The following LOX variants were observed in gnomAD, a reference collection of about 807,000 sequenced individuals.
The protein encoded by LOX is lysyl oxidase, also known as protein-lysine 6-oxidase.
A neutral mutation model predicts 50.5 loss-of-function variants in LOX; 12 were observed. That is an observed-to-expected ratio of 0.24 (90% CI 0.15 to 0.38). LOX has a LOEUF of 0.38. LOX is among the 10% of genes least tolerant of loss of function. The pLI is 1.00. For synonymous variants in LOX, 254 were observed against 230.6 expected (o/e 1.10, Z -0.92); for missense variants, 504 against 563.8 (o/e 0.89, Z 1.07).
chr5:122,077,340 C>A lies in LOX; in HGVS notation c.631+15G>T. 1.2e-6 allele frequency: 2 copies of A among 1,613,590 alleles called. No individual in the cohort carries two copies. Among genetic ancestry groups the A allele is most frequent in the Non-Finnish European group, 8.5e-7 (1 of 1,179,950 alleles). ...CAGGTGCACGGGTGCTTCCAGCGGA[C>A]TTGGGGGTACTTACCGTACTGGAAG... On this transcript the variant is annotated intron_variant, in intron 1 of 6. Transcript: ENST00000231004. The surrounding 1 kb of genome is among the most constrained non-coding windows in gnomAD (Gnocchi z 4.9).
chr5:122,077,506 G>A lies in LOX; in HGVS notation c.480C>T (p.Pro160=). The change falls in exon 1 of 7, where the codon CCC becomes CCT. Residue 160 remains proline (P), a synonymous_variant. Transcript: ENST00000231004. The surrounding 1 kb of genome is among the most constrained non-coding windows in gnomAD (Gnocchi z 4.9). ...EVPALSNLRP[P]SRVDGMVGDD... ...CGCCCACCATGCCGTCCACGCGGCT[G>A]GGCGGCCGCAGGTTACTGAGCGCAG... 2 of 1,613,790 alleles carry A rather than the reference G, an allele frequency of 1.2e-6. No individual in the cohort carries two copies. Among genetic ancestry groups the A allele is most frequent in the Non-Finnish European group, 1.7e-6 (2 of 1,179,990 alleles).
intron 6 of LOX, among the ~76,000 whole-genome samples, chr5:122,068,799 C>A (rs1442925865): frequency 1.3e-5 from 2 of 151,670 alleles, no homozygotes; most frequent in African/African-American, 2.4e-5. Flanking sequence ...ACAAACAGTA[C>A]AAAAATGAGA....
Position 122,077,809 on chromosome 5 carries a change from G to T in LOX, c.177C>A (p.Ser59Arg). The T allele has an allele frequency of 6.5e-7, 1 of 1,549,984 alleles. No homozygotes were observed. Residue 59 changes from serine to arginine, a missense_variant, in exon 1 of 7, where the codon AGC (serine) becomes AGA (arginine). Physicochemically the swap from Ser to Arg is moderately radical, Grantham distance 110 (BLOSUM62 -1). This residue lies in a region of LOX where 398 missense variants were observed against 365.8 expected (regional missense o/e 1.09). Coordinates refer to ENST00000231004, the MANE Select transcript of LOX (RefSeq NM_002317.7). The surrounding 1 kb of genome is among the most constrained non-coding windows in gnomAD (Gnocchi z 4.9). ...GCTGAGGCTGGTACTGTGAGCCCAG[G>T]CTCAGCAAGCTGAACACCTGCCCGT... ...ENNGQVFSLL[S>R]LGSQYQPQRR... is the part of the protein sequence containing the mutation.
chr5:122,070,562 A>G lies in LOX; in HGVS notation c.1063T>C (p.Tyr355His). Residue 355 changes from tyrosine (Y) to histidine (H), a missense_variant, in exon 5 of 7, where the codon TAT becomes CAT. By Grantham distance (83) the Tyr-to-His change is moderately conservative (BLOSUM62 2). This residue lies in a region of LOX where 106 missense variants were observed against 198.1 expected (regional missense o/e 0.54). Coordinates refer to ENST00000231004, the MANE Select transcript of LOX (RefSeq NM_002317.7). ...QGLSPGCYDT[Y>H]GADIDCQWID... ...CACTGGCAGTCTATGTCTGCACCAT[A>G]GGTATCATAACAGCCAGGACTCAAT... 1 of 1,606,774 alleles carries G rather than the reference A, an allele frequency of 6.2e-7. No individual in the cohort carries two copies. Among genetic ancestry groups the G allele is most frequent in the Non-Finnish European group, 8.5e-7 (1 of 1,174,698 alleles).
At chr5:122,070,640 T>G (rs775371561) in intron 4 of LOX, 51 bp from the exon 5 acceptor site, 3 of 921,886 alleles carry the variant, frequency 3.3e-6, no homozygotes, top group Middle Eastern at 2.8e-4. Flanking sequence ...GGTCAGACTA[T>G]GATAAATAAT....
At chr5:122,074,249 G>T in intron 3 of LOX, 80 bp from the exon 4 acceptor site, 2 of 1,221,250 alleles carry the variant, frequency 1.6e-6, no homozygotes, top group Non-Finnish European at 2.3e-6. Context: ...CTTCCCCCAT[G>T]GCTTCACAAA....
chr5:122,070,509 T>C lies in LOX; in HGVS notation c.1116A>G (p.Gly372=). Reference sequence around the variant, plus strand: ...AGGTCTTTACCTTTAGGATATAGTTTCCAGGTTTTACATCTGTAATATCAA... The same window carrying C: ...AGGTCTTTACCTTTAGGATATAGTTCCCAGGTTTTACATCTGTAATATCAA... ...QWIDITDVKP[G]NYILKVSVNP... Residue 372 remains glycine (G), a synonymous_variant, in exon 5 of 7, where the codon GGA becomes GGG. Coordinates refer to ENST00000231004, the MANE Select transcript of LOX (RefSeq NM_002317.7). 2 of 1,598,790 alleles carry C rather than the reference T, an allele frequency of 1.3e-6. No homozygotes were observed. Among genetic ancestry groups the C allele is most frequent in the Non-Finnish European group, 1.7e-6 (2 of 1,167,380 alleles).
At chr5:122,075,279 T>A in intron 3 of LOX, 125 bp downstream of exon 3, 3 of 857,620 alleles carry the variant, frequency 3.5e-6, no homozygotes, top group Non-Finnish European at 5.3e-6. Flanking sequence ...TAGAGAAAAA[T>A]TCTAAATATA....
Position 122,075,406 on chromosome 5 carries a change from A to C in LOX, c.876T>G (p.His292Gln). 1.2e-6 allele frequency: 2 copies of C among 1,608,766 alleles called. No individual in the cohort carries two copies. Among genetic ancestry groups the C allele is most frequent in the Non-Finnish European group, 1.7e-6 (2 of 1,178,320 alleles). ...PRYSWEWHSC[H>Q]QHYHSMDEFS... ...ACCCAGGAGGCCCATTTACTTACTG[A>C]TGACAACTGTGCCATTCCCAGGAAT... The change falls in exon 3 of 7, where the codon CAT becomes CAG. Residue 292 changes from histidine (H) to glutamine (Q), a missense_variant and splice_region_variant. His to Gln is a conservative substitution (Grantham distance 24). Coordinates refer to ENST00000231004, the MANE Select transcript of LOX (RefSeq NM_002317.7).
intron 5 of LOX, 146 bp downstream of exon 5, chr5:122,070,348 A>G (rs190696467): frequency 1.5e-5 from 10 of 650,470 alleles, no homozygotes; most frequent in Non-Finnish European, 2.2e-5. Flanking sequence ...TTAAAATAAG[A>G]CAGATTAGAT....
At chr5:122,074,834 C>G (rs10059661) in intron 3 of LOX, among the ~76,000 whole-genome samples, 22,671 of 152,068 alleles carry the variant, frequency 0.15, 1,856 homozygotes, top group Non-Finnish European at 0.18. Context: ...AAGTTTAAGG[C>G]CACACATGAG....
Position 122,063,341 on chromosome 5 carries a change from G to T in LOX, c.*3402C>A, listed in dbSNP as rs1019748488. ...TAAGAGTTCTTCAAAAAAGTTACACGTCTTACAAATAACATTCCTGAAAAA... is the reference window on the plus strand; with the variant it reads ...TAAGAGTTCTTCAAAAAAGTTACACTTCTTACAAATAACATTCCTGAAAAA... On this transcript the variant is annotated 3_prime_UTR_variant, in exon 7 of 7. Transcript: ENST00000231004. 1 of 151,830 alleles carries T rather than the reference G, an allele frequency of 6.6e-6. No homozygotes were observed. Among genetic ancestry groups the T allele is most frequent in the African/African-American group, 2.4e-5 (1 of 41,372 alleles). 9.4% of individuals were successfully genotyped at this position (151,830 alleles called of 1,614,324 possible).
chr5:122,066,077 T>A lies in LOX; in HGVS notation c.*666A>T, dbSNP rs913740075. On this transcript the variant is annotated 3_prime_UTR_variant, in exon 7 of 7. Transcript: ENST00000231004. ...TACTTAATTTGTTCCAAAACAAAAG[T>A]TGACTCAAGTCAAAATGAAATTGTG... The A allele has an allele frequency of 6.6e-6, 1 of 152,108 alleles. No individual in the cohort carries two copies. The highest frequency in any genetic ancestry group is 1.5e-5 in the Non-Finnish European group (1 of 68,008). 9.4% of individuals were successfully genotyped at this position (152,108 alleles called of 1,614,324 possible).
intron 2 of LOX, 40 bp downstream of exon 2, chr5:122,076,853 G>A (rs1754651783): frequency 1.9e-6 from 3 of 1,577,376 alleles, no homozygotes; most frequent in Non-Finnish European, 2.6e-6. Flanking sequence ...CCCCCTGAAG[G>A]TAGACCGGGG....
chr5:122,065,340 T>C lies in LOX; in HGVS notation c.*1403A>G, dbSNP rs762188538. On this transcript the variant is annotated 3_prime_UTR_variant, in exon 7 of 7. Transcript: ENST00000231004. ...CCTAACATGTTCTGGCACTGGAAAA[T>C]CTTACTTGAGATTTTAATACTGGTT... The C allele has an allele frequency of 3.3e-5, 5 of 152,076 alleles. No individual in the cohort carries two copies. Among genetic ancestry groups the C allele is most frequent in the Admixed American group, 2.0e-4 (3 of 15,254 alleles). 9.4% of individuals were successfully genotyped at this position (152,076 alleles called of 1,614,324 possible).
rs1754660241 is a variant in LOX, at chr5:122,077,084, C to G, written c.632-83G>C. The G allele has an allele frequency of 6.4e-7, 1 of 1,556,782 alleles. No homozygotes were observed. The highest frequency in any genetic ancestry group is 8.7e-7 in the Non-Finnish European group (1 of 1,155,736). ...ACTCCCTACCCCTCTAGGTCCCTTA[C>G]TCCTCACCCTTCGCCCACCGGGACT... On this transcript the variant is annotated intron_variant, in intron 1 of 6. Coordinates refer to ENST00000231004, the MANE Select transcript of LOX (RefSeq NM_002317.7). This position sits in a 1 kb window ranked among gnomAD's most constrained non-coding sequence, Gnocchi z 4.9.
intron 4 of LOX, among the ~76,000 whole-genome samples, chr5:122,072,641 G>A (rs187264749): frequency 1.3e-4 from 20 of 152,164 alleles, no homozygotes; most frequent in African/African-American, 3.9e-4. Flanking sequence ...TTTAAATGAA[G>A]TCCATGTGAA....
intron 4 of LOX, among the ~76,000 whole-genome samples, chr5:122,071,071 T>C (rs1213885350): frequency 6.6e-6 from 1 of 151,968 alleles, no homozygotes; most frequent in Non-Finnish European, 1.5e-5. Context: ...CATTATAACA[T>C]GCTATGTAAG....
chr5:122,071,962 T>G (rs76358196), intron 4 of LOX, among the ~76,000 whole-genome samples: 1 of 152,178 alleles, frequency 6.6e-6, no homozygotes, highest in South Asian at 2.1e-4. Context: ...ATTATCTAGA[T>G]TCCTACCTTG....
Sources: allele counts gnomAD v4.1 joint callset (sites outside exome capture counted in the v4.1 genomes callset), GRCh38; gene constraint gnomAD v4.1.1; regional missense constraint gnomAD v4.1.1; non-coding constraint Gnocchi (gnomAD v3.1); transcripts MANE v1.5; gene names NCBI Gene and HGNC (gene_info 2026-07-23, HGNC 2026-07-21).